The following DENND2D variants were observed in gnomAD, a reference collection of about 807,000 sequenced individuals.
The protein encoded by DENND2D is DENN domain containing 2D.
In DENND2D, 37 loss-of-function variants were observed where a neutral mutation model predicts 59.8. That is an observed-to-expected ratio of 0.62 (90% confidence interval 0.48 to 0.81). The LOEUF (loss-of-function observed/expected upper bound fraction) is 0.81. Ranked by LOEUF, DENND2D falls within the 40% of genes least tolerant of loss-of-function variation. The pLI is 0.00. For synonymous variants in DENND2D, 219 were observed against 211.3 expected (o/e 1.04, Z -0.31); for missense variants, 525 against 579.7 (o/e 0.91, Z 0.97).
In DENND2D at chr1:111,187,660, A is replaced by C. The variant is rs150100247; in HGVS notation, c.1361T>G (p.Leu454Arg). The C allele has an allele frequency of 9.9e-6, 16 of 1,613,668 alleles. No individual in the cohort carries two copies. In the African/African-American group the frequency reaches 1.6e-4, roughly 16 times the overall value. Reference protein sequence around the residue: ...PPAGYFQQKILEYEEQKKQKK... With the variant: ...PPAGYFQQKIREYEEQKKQKK... ...CTGTTTCTTCTGTTCCTCATATTCAAGTATTTTCTGTTGGAAATAGCCTGT... is the reference window on the plus strand; with the variant it reads ...CTGTTTCTTCTGTTCCTCATATTCACGTATTTTCTGTTGGAAATAGCCTGT... Residue 454 changes from leucine (L) to arginine (R), a missense_variant, in exon 12 of 12, where the codon CTT becomes CGT. By Grantham distance (102) the Leu-to-Arg change is moderately radical. Transcript: ENST00000357640.
Position 111,200,466 on chromosome 1 carries a change from G to A in DENND2D, c.-7C>T, listed in dbSNP as rs1658695635. On this transcript the variant is annotated 5_prime_UTR_variant, in exon 1 of 12. Transcript: ENST00000357640. ...CTACCACTTGTCCTTCCATCTCTGGGCCTTCAGGACAGAGCGGACTCCCCT... is the reference window on the plus strand; with the variant it reads ...CTACCACTTGTCCTTCCATCTCTGGACCTTCAGGACAGAGCGGACTCCCCT... 6.2e-7 allele frequency: 1 copy of A among 1,607,772 alleles called. No individual in the cohort carries two copies. The highest frequency in any genetic ancestry group is 1.3e-5 in the African/African-American group (1 of 74,648).
At chr1:111,198,141 C>T in intron 3 of DENND2D, 152 bp from the exon 4 acceptor site, 2 of 686,850 alleles carry the variant, frequency 2.9e-6, no homozygotes, top group Non-Finnish European at 5.0e-6. Flanking sequence ...CTAAACACAT[C>T]ATCTCATCTA....
At chr1:111,198,395 T>G (rs1279358319) in intron 3 of DENND2D, among the ~76,000 whole-genome samples, 1 of 152,192 alleles carries the variant, frequency 6.6e-6, no homozygotes, top group Non-Finnish European at 1.5e-5. Flanking sequence ...CAGCAACTAT[T>G]GCTTCTAGGA....
rs374441632 is a variant in DENND2D, at chr1:111,189,925, G to A, written c.973-672C>T. Among the ~76,000 whole-genome samples the A allele has an allele frequency of 2.0e-4, 31 of 152,144 alleles. 1 individual carries two copies. The highest frequency in any genetic ancestry group is 1.7e-3 in the East Asian group (9 of 5,188). On this transcript the variant is annotated intron_variant, in intron 8 of 11. Coordinates refer to ENST00000357640, the MANE Select transcript of DENND2D (RefSeq NM_024901.5). Reference sequence around the variant, plus strand: ...CACGCCTGTAATCCCAGCACTTTGGGAGGCCGAGGCGGGTGGATCACGAGG... The same window carrying A: ...CACGCCTGTAATCCCAGCACTTTGGAAGGCCGAGGCGGGTGGATCACGAGG...
chr1:111,188,279 C>T lies in DENND2D; in HGVS notation c.1191G>A (p.Glu397=), dbSNP rs608881. The change falls in exon 11 of 12, where the codon GAG becomes GAA. Residue 397 remains glutamate (E), a synonymous_variant. Coordinates refer to ENST00000357640, the MANE Select transcript of DENND2D (RefSeq NM_024901.5). ...CTTGGAAGTGGCCTTGCCCATTTGC[C>T]TCCCGCTTGATATAGGAAGCATAAT... The part of the protein sequence containing the change: ...VGHYASYIKR[E]ANGQGHFQER... The T allele has an allele frequency of 0.2, 328,818 of 1,613,964 alleles. 35,146 individuals are homozygous for T. Among genetic ancestry groups the T allele is most frequent in the Middle Eastern group, 0.26 (1,568 of 6,048 alleles).
chr1:111,193,764 C>A (rs1033804954), intron 7 of DENND2D, among the ~76,000 whole-genome samples: 24 of 152,112 alleles, frequency 1.6e-4, no homozygotes, highest in African/African-American at 4.6e-4. Context: ...TGTTTTATGA[C>A]TTCTTTCATT....
intron 2 of DENND2D, 35 bp downstream of exon 2, chr1:111,199,588 C>A (rs769717864): frequency 1.0e-5 from 16 of 1,591,100 alleles, no homozygotes; most frequent in Non-Finnish European, 1.3e-5. Flanking sequence ...ACACCCCAGT[C>A]CTCTGGCTGG....
chr1:111,188,076 T>C, intron 11 of DENND2D, 55 bp downstream of exon 11: 1 of 1,586,268 alleles, frequency 6.3e-7, no homozygotes, highest in Non-Finnish European at 8.6e-7. Flanking sequence ...TCCCCTCCTC[T>C]TTATTCTAGA....
At chr1:111,192,947 GC>G (rs1307992540) in intron 7 of DENND2D, among the ~76,000 whole-genome samples, 1 of 152,124 alleles carries the variant, frequency 6.6e-6, no homozygotes, top group African/African-American at 2.4e-5. Flanking sequence ...AGGAACCTCT[GC>G]CCAGCAATTC....
chr1:111,203,629 G>A (rs1044414783), upstream of DENND2D, among the ~76,000 whole-genome samples: 1 of 152,246 alleles, frequency 6.6e-6, no homozygotes, highest in African/African-American at 2.4e-5. Flanking sequence ...ATCCTGGACG[G>A]GGGAATTATG....
chr1:111,192,648 T>C (rs1557955758), intron 7 of DENND2D, among the ~76,000 whole-genome samples: 1 of 152,092 alleles, frequency 6.6e-6, no homozygotes, highest in African/African-American at 2.4e-5. Context: ...AAGGAGATAA[T>C]TGATTGAGCC....
chr1:111,191,912 T>C (rs1657810215), intron 8 of DENND2D, among the ~76,000 whole-genome samples: 1 of 152,228 alleles, frequency 6.6e-6, no homozygotes, highest in South Asian at 2.1e-4. Flanking sequence ...CCTGCATTTA[T>C]TGAGCATCAC....
rs1457054397 is a variant in DENND2D at position 111,186,076 on chromosome 1, A to G, written c.*1529T>C. On this transcript the variant is annotated 3_prime_UTR_variant, in exon 12 of 12. Transcript: ENST00000357640. ...GTGTGCTTCCTTCAGCCCTAAATAC[A>G]GCATTAGCATCAAATCAAGGGTACA... Among the ~76,000 whole-genome samples, 1 of 152,234 alleles carries G rather than the reference A, an allele frequency of 6.6e-6. No individual in the cohort carries two copies. Among genetic ancestry groups the G allele is most frequent in the Admixed American group, 6.5e-5 (1 of 15,276 alleles).
chr1:111,192,165 T>G lies in DENND2D; in HGVS notation c.947A>C (p.Glu316Ala). 1 of 1,611,578 alleles carries G rather than the reference T, an allele frequency of 6.2e-7. No homozygotes were observed. Among genetic ancestry groups the G allele is most frequent in the Non-Finnish European group, 8.5e-7 (1 of 1,178,546 alleles). ...MVGVQMRFQQ[E>A]VMDSPMEEVL... ...CTCTTCCATAGGGCTGTCCATGACC[T>G]CCTGCTGGAAGCGCATTTGTACTCC... is the stretch of plus-strand genomic sequence containing the variant. The change falls in exon 8 of 12, where the codon GAG becomes GCG. Residue 316 changes from glutamate (E) to alanine (A), a missense_variant. Around this residue, in one of 3 missense-constraint regions of DENND2D, gnomAD observed 225 missense variants for 252.4 expected, o/e 0.89. Transcript: ENST00000357640.
upstream of DENND2D, chr1:111,204,452 G>T (rs1042607952): frequency 3.6e-5 from 43 of 1,206,830 alleles, no homozygotes; most frequent in South Asian, 8.5e-4. Flanking sequence ...TCACGCGGGG[G>T]GAGGCCTAGG....
At chr1:111,188,443 G>T (rs1657427208) in intron 10 of DENND2D, 73 bp from the exon 11 acceptor site, 5 of 1,573,976 alleles carry the variant, frequency 3.2e-6, no homozygotes, top group Non-Finnish European at 4.3e-6. Context: ...TTCAAGAATG[G>T]CTTTCTTGCA....
Position 111,198,617 on chromosome 1 carries a change from G to T in DENND2D, c.356+13C>A. The stretch of plus-strand genomic sequence containing the variant: ...CCCAAATCCAATACCCTTGCCCAGG[G>T]CTGAGCAATTACCTGGGATACTCGG... On this transcript the variant is annotated intron_variant, in intron 3 of 11. Coordinates refer to ENST00000357640, the MANE Select transcript of DENND2D (RefSeq NM_024901.5). 6.2e-7 allele frequency: 1 copy of T among 1,610,110 alleles called. No individual in the cohort carries two copies. The highest frequency in any genetic ancestry group is 8.5e-7 in the Non-Finnish European group (1 of 1,176,510).
intron 4 of DENND2D, 38 bp from the exon 5 acceptor site, chr1:111,197,291 C>T: frequency 6.3e-7 from 1 of 1,592,180 alleles, no homozygotes; most frequent in Non-Finnish European, 8.5e-7. Context: ...GTGCTGCAGC[C>T]TCCCCAAGGG....
In DENND2D at chr1:111,196,032, G is replaced by A; in HGVS notation, c.529C>T (p.His177Tyr). The change falls in exon 6 of 12, where the codon CAT (histidine) becomes TAT (tyrosine). Residue 177 changes from histidine to tyrosine, a missense_variant. Physicochemically the swap from His to Tyr is moderately conservative, Grantham distance 83 (BLOSUM62 2). Around this residue, in one of 3 missense-constraint regions of DENND2D, gnomAD observed 253 missense variants for 246.4 expected, o/e 1.03. Transcript: ENST00000357640. ...SKILDEVEKR[H>Y]QISMAVIYPF... The stretch of plus-strand genomic sequence containing the variant: ...TAGATGACAGCCATGGAGATCTGAT[G>A]TCTCTTCTCCACTTCATCCAGGATC... 6.2e-7 allele frequency: 1 copy of A among 1,612,960 alleles called. No individual in the cohort carries two copies. The highest frequency in any genetic ancestry group is 8.5e-7 in the Non-Finnish European group (1 of 1,179,450).
Sources: allele counts gnomAD v4.1 joint callset (sites outside exome capture counted in the v4.1 genomes callset), GRCh38; gene constraint gnomAD v4.1.1; regional missense constraint gnomAD v4.1.1; transcripts MANE v1.5; gene names NCBI Gene and HGNC (gene_info 2026-07-23, HGNC 2026-07-21).